HYCC2: variants seen among roughly 807,000 people sequenced by gnomAD.
HYCC2 encodes the protein hyccin 2.
chr2:201,006,020 G>C, the HYCC2 span, among the ~76,000 whole-genome samples: 7 of 151,298 alleles, frequency 4.6e-5, no homozygotes, highest in African/African-American at 1.7e-4. Flanking sequence ...TTTCAGTAGA[G>C]ACAGAGTTTC....
chr2:201,062,950 T>A, the HYCC2 span: 1 of 1,037,426 alleles, frequency 9.6e-7, no homozygotes. Context: ...GAACAACTAC[T>A]ACTGCTGCTG....
At chr2:200,974,864 ACACT>A in the HYCC2 span, 2 of 152,018 alleles carry the variant, frequency 1.3e-5, no homozygotes, top group East Asian at 1.9e-4. Flanking sequence ...AAGAAAAAAA[ACACT>A]CAGAATGATC....
chr2:201,071,428 T>G, the HYCC2 span: 3 of 152,312 alleles, frequency 2.0e-5, no homozygotes, highest in Non-Finnish European at 2.9e-5. Context: ...CGCCTTCTCC[T>G]CCTCACGACC....
At chr2:201,031,130 A>AT in the HYCC2 span, among the ~76,000 whole-genome samples, 3 of 152,204 alleles carry the variant, frequency 2.0e-5, no homozygotes, top group African/African-American at 4.8e-5. Context: ...TCTCAAAACT[A>AT]TAATCTTTCA....
chr2:201,001,799 G>A, the HYCC2 span, among the ~76,000 whole-genome samples: 1 of 151,966 alleles, frequency 6.6e-6, no homozygotes, highest in Non-Finnish European at 1.5e-5. Context: ...CAGCCACCCA[G>A]TAGCTGGGAT....
chr2:201,042,743 G>A, the HYCC2 span, among the ~76,000 whole-genome samples: 2 of 151,178 alleles, frequency 1.3e-5, no homozygotes, highest in African/African-American at 4.9e-5. Context: ...CGGGAGGTGG[G>A]GGGCAGCCCC....
At chr2:201,036,143 A>T in the HYCC2 span, among the ~76,000 whole-genome samples, 3 of 152,220 alleles carry the variant, frequency 2.0e-5, no homozygotes, top group Non-Finnish European at 4.4e-5. Context: ...GAAAATCTAG[A>T]AGAAATGGAT....
At chr2:201,003,042 A>G in the HYCC2 span, among the ~76,000 whole-genome samples, 1 of 152,132 alleles carries the variant, frequency 6.6e-6, no homozygotes, top group Non-Finnish European at 1.5e-5. Flanking sequence ...AAAGAATAAG[A>G]TATCTATGTG....
chr2:201,020,704 C>T, the HYCC2 span, among the ~76,000 whole-genome samples: 1 of 152,092 alleles, frequency 6.6e-6, no homozygotes, highest in Non-Finnish European at 1.5e-5. Context: ...CCACTAAACA[C>T]CAGAAAAGGC....
chr2:201,008,475 G>A, the HYCC2 span, among the ~76,000 whole-genome samples: 1 of 152,152 alleles, frequency 6.6e-6, no homozygotes, highest in Admixed American at 6.5e-5. Flanking sequence ...GTTAATGATT[G>A]TTAGCTGAGT....
chr2:201,050,363 A>G, the HYCC2 span, among the ~76,000 whole-genome samples: 348 of 152,248 alleles, frequency 2.3e-3, 6 homozygotes, highest in African/African-American at 7.8e-3. Context: ...AATGGAATGT[A>G]TTATTAAAAA....
chr2:201,051,763 T>C, the HYCC2 span, among the ~76,000 whole-genome samples: 1 of 152,186 alleles, frequency 6.6e-6, no homozygotes, highest in African/African-American at 2.4e-5. Context: ...ATCACTACCT[T>C]GGTATTAAGC....
At chr2:200,993,624 T>A in the HYCC2 span, among the ~76,000 whole-genome samples, 2 of 152,280 alleles carry the variant, frequency 1.3e-5, no homozygotes, top group South Asian at 4.1e-4. Context: ...TTGGGAAATT[T>A]TTTTTTAATT....
At chr2:200,991,497 A>G in the HYCC2 span, among the ~76,000 whole-genome samples, 1 of 151,470 alleles carries the variant, frequency 6.6e-6, no homozygotes, top group East Asian at 1.9e-4. Context: ...TGAACCCAGG[A>G]GGCGGAGGTT....
chr2:201,020,216 A>G, the HYCC2 span, among the ~76,000 whole-genome samples: 2 of 152,216 alleles, frequency 1.3e-5, no homozygotes, highest in African/African-American at 4.8e-5. Flanking sequence ...CCCACATCAA[A>G]AAGTATTAAA....
the HYCC2 span, among the ~76,000 whole-genome samples, chr2:201,008,045 C>A: frequency 1.3e-5 from 2 of 152,142 alleles, no homozygotes; most frequent in East Asian, 1.9e-4. Context: ...CTGTAATAAA[C>A]CATAACTGTG....
At chr2:201,012,690 A>G in the HYCC2 span, among the ~76,000 whole-genome samples, 8 of 152,092 alleles carry the variant, frequency 5.3e-5, no homozygotes, top group Admixed American at 5.2e-4. Flanking sequence ...CACGCCTGTA[A>G]TCCTAGCACT....
At chr2:200,992,837 T>A in the HYCC2 span, 2 of 1,129,014 alleles carry the variant, frequency 1.8e-6, no homozygotes. Context: ...ATATTCAAAG[T>A]TTCTAAACAT....
chr2:200,997,451 C>T, the HYCC2 span: 1 of 1,598,464 alleles, frequency 6.3e-7, no homozygotes, highest in Non-Finnish European at 8.6e-7. Flanking sequence ...TCACCTGGAA[C>T]CCATCCGACA....
Sources: gnomAD v4.1 joint callset for allele counts (sites outside exome capture counted in the v4.1 genomes callset) on GRCh38, gnomAD v4.1.1 for gene constraint, MANE v1.5 for transcripts, NCBI Gene and HGNC (gene_info 2026-07-23, HGNC 2026-07-21) for gene names.